The following DDX1 variants were observed in gnomAD, a reference collection of about 807,000 sequenced individuals.
The protein encoded by DDX1 is ATP-dependent RNA helicase DDX1.
Under a neutral mutation model 108.7 loss-of-function variants are expected in DDX1, and 28 were observed. The ratio of observed to expected loss-of-function variants is 0.26; its 90% CI spans 0.19 to 0.35. The LOEUF is 0.35. DDX1 is among the 10% of genes least tolerant of loss of function. DDX1 has a pLI of 1.00. For missense variants in DDX1, 710 were observed against 884.5 expected, an observed-to-expected ratio of 0.80 and a Z score of 2.50; for synonymous variants, 295 against 288.9, an observed-to-expected ratio of 1.02 and a Z score of -0.21.
chr2:15,609,611 G>A (rs181922289), intron 13 of DDX1, among the ~76,000 whole-genome samples: 1 of 152,204 alleles, frequency 6.6e-6, no homozygotes, highest in South Asian at 2.1e-4. Flanking sequence ...TGCAGGGGTG[G>A]TTCTTTTATA....
chr2:15,605,144 A>G (rs1665643209), intron 10 of DDX1, among the ~76,000 whole-genome samples: 1 of 152,204 alleles, frequency 6.6e-6, no homozygotes, highest in Non-Finnish European at 1.5e-5. Flanking sequence ...GGTTTTGAGC[A>G]GAGGGGTGGC....
At chr2:15,594,143 C>A (rs1665464228) in intron 1 of DDX1, among the ~76,000 whole-genome samples, 1 of 152,008 alleles carries the variant, frequency 6.6e-6, no homozygotes, top group South Asian at 2.1e-4. Flanking sequence ...AATGATGATC[C>A]TTCTCATCTG....
At chr2:15,613,387 A>T in intron 14 of DDX1, 103 bp downstream of exon 14, 1 of 722,686 alleles carries the variant, frequency 1.4e-6, no homozygotes. Flanking sequence ...CTGAAATTAG[A>T]GCAAGGTCAG....
rs753759700 is a variant in DDX1 at position 15,605,986 on chromosome 2, A to T, written c.662A>T (p.His221Leu). Residue 221 changes from histidine to leucine, a missense_variant, in exon 11 of 26, where the codon CAT (histidine) becomes CTT (leucine). Around this residue, in one of 3 missense-constraint regions of DDX1, gnomAD observed 661 missense variants for 810.2 expected, o/e 0.82. Coordinates refer to ENST00000233084, the MANE Select transcript of DDX1 (RefSeq NM_004939.3). Reference sequence around the variant, plus strand: ...GGTCTGGCATTTGAAATACCACCACATATGAAAAACCAAGCCCTCTTTCCT... The same window carrying T: ...GGTCTGGCATTTGAAATACCACCACTTATGAAAAACCAAGCCCTCTTTCCT... The part of the protein sequence containing the change: ...DLGLAFEIPP[H>L]MKNQALFPAC... 1.5e-5 allele frequency: 24 copies of T among 1,585,832 alleles called. No homozygotes were observed. Among genetic ancestry groups the T allele is most frequent in the African/African-American group, 2.7e-5 (2 of 73,136 alleles).
chr2:15,630,611 A>G (rs1450400393), intron 25 of DDX1, among the ~76,000 whole-genome samples, 165 bp from the exon 26 acceptor site: 1 of 152,226 alleles, frequency 6.6e-6, no homozygotes, highest in East Asian at 1.9e-4. Flanking sequence ...TATTGAAATA[A>G]TTGATTTAAC....
At chr2:15,601,448 T>A (rs1307770957) in intron 6 of DDX1, among the ~76,000 whole-genome samples, 1 of 152,222 alleles carries the variant, frequency 6.6e-6, no homozygotes, top group Admixed American at 6.5e-5. Flanking sequence ...TGGCTATAAA[T>A]CAGGGTTCCT....
Position 15,614,266 on chromosome 2 carries a change from G to A in DDX1, c.1017+982G>A, listed in dbSNP as rs370668214. Among the ~76,000 whole-genome samples, 17 of 152,152 alleles carry A rather than the reference G, an allele frequency of 1.1e-4. No individual in the cohort carries two copies. In the East Asian group the frequency reaches 2.1e-3, roughly 19 times the overall value. ...TTTAATCATTAAAGCTAAACCATCC[G>A]ATATTGAGTCATGACAAGCAATTGT... On this transcript the variant is annotated intron_variant, in intron 14 of 25. Transcript: ENST00000233084.
rs931319122 is a variant in DDX1 at position 15,626,985 on chromosome 2, A to G, written c.1595-69A>G. 1.8e-5 allele frequency: 17 copies of G among 971,376 alleles called. No homozygotes were observed. The Admixed American group carries it at 1.9e-4, about 11-fold the overall frequency. 60.2% of individuals were successfully genotyped at this position (971,376 alleles called of 1,614,324 possible). A position where few individuals can be genotyped will look rare whatever the true frequency, so the allele number is the denominator to read the frequency against. On this transcript the variant is annotated intron_variant, in intron 19 of 25. Transcript: ENST00000233084. Reference sequence around the variant, plus strand: ...GTGGCACTATTGTAGTCTGAATTTTATTGGCTTTTTTACATAGTCTTAGGC... The same window carrying G: ...GTGGCACTATTGTAGTCTGAATTTTGTTGGCTTTTTTACATAGTCTTAGGC...
In DDX1 at chr2:15,591,939, G is replaced by A. The variant is rs1370569212; in HGVS notation, c.6G>A (p.Ala2=). ...CCGCGGAGGACGGGGTGAAGATGGC[G>A]GCCTTCTCCGGTGCGTTTGTGGAAA... M[A]AFSEMGVMPE... Residue 2 remains alanine (A), a synonymous_variant, in exon 1 of 26, where the codon GCG becomes GCA. Coordinates refer to ENST00000233084, the MANE Select transcript of DDX1 (RefSeq NM_004939.3). 6.9e-7 allele frequency: 1 copy of A among 1,441,194 alleles called. No individual in the cohort carries two copies. Among genetic ancestry groups the A allele is most frequent in the Non-Finnish European group, 9.1e-7 (1 of 1,096,376 alleles). 89.3% of individuals were successfully genotyped at this position (1,441,194 alleles called of 1,614,324 possible).
At position 15,602,545 on chromosome 2, in the gene DDX1, C is replaced by T; in HGVS notation, c.308-3C>T. On this transcript the variant is annotated splice_polypyrimidine_tract_variant and splice_region_variant and intron_variant, in intron 6 of 25. Coordinates refer to ENST00000233084, the MANE Select transcript of DDX1 (RefSeq NM_004939.3). ...TTTTTCTGTGTTTTCTTCTCAAATC[C>T]AGCAATTGGGTCAGATGGTCTTTGT... is the stretch of plus-strand genomic sequence containing the variant. 8 of 1,611,830 alleles carry T rather than the reference C, an allele frequency of 5.0e-6. No individual in the cohort carries two copies. Among genetic ancestry groups the T allele is most frequent in the Non-Finnish European group, 5.9e-6 (7 of 1,178,056 alleles).
In DDX1 at chr2:15,607,161, T is replaced by A; in HGVS notation, c.818-14T>A. On this transcript the variant is annotated splice_polypyrimidine_tract_variant and intron_variant, in intron 12 of 25. Coordinates refer to ENST00000233084, the MANE Select transcript of DDX1 (RefSeq NM_004939.3). ...TGTGCTTTGAATGTGTTCTCATCTT[T>A]TTTATTCCCTAAGGTAATGCACAGG... 1 of 1,612,472 alleles carries A rather than the reference T, an allele frequency of 6.2e-7. No homozygotes were observed. Among genetic ancestry groups the A allele is most frequent in the Non-Finnish European group, 8.5e-7 (1 of 1,179,044 alleles).
chr2:15,624,465 G>A (rs1666065453), intron 19 of DDX1, among the ~76,000 whole-genome samples: 1 of 152,174 alleles, frequency 6.6e-6, no homozygotes, highest in Non-Finnish European at 1.5e-5. Context: ...GTTCTTCAGA[G>A]CTGGGGAAGC....
At chr2:15,604,602 C>T (rs1388033122) in intron 10 of DDX1, 93 bp downstream of exon 10, 23 of 807,158 alleles carry the variant, frequency 2.8e-5, no homozygotes, top group African/African-American at 1.5e-4. Flanking sequence ...TTCAAATCCC[C>T]GTCCCTCCCT....
chr2:15,602,516 C>A, intron 6 of DDX1, 32 bp from the exon 7 acceptor site: 1 of 1,520,750 alleles, frequency 6.6e-7, no homozygotes, highest in Non-Finnish European at 9.1e-7. Flanking sequence ...CCTGTACTGA[C>A]GTGTTTTTCT....
chr2:15,621,123 T>G lies in DDX1; in HGVS notation c.1447+7T>G. On this transcript the variant is annotated splice_region_variant and intron_variant, in intron 18 of 25. Coordinates refer to ENST00000233084, the MANE Select transcript of DDX1 (RefSeq NM_004939.3). Reference sequence around the variant, plus strand: ...CCTGGTGCTAATAGTCCAGGTGAGTTAAAAGAGTCAAATGTGTTGAAAGAT... The same window carrying G: ...CCTGGTGCTAATAGTCCAGGTGAGTGAAAAGAGTCAAATGTGTTGAAAGAT... The G allele has an allele frequency of 2.5e-6, 4 of 1,597,052 alleles. No homozygotes were observed. The highest frequency in any genetic ancestry group is 3.4e-6 in the Non-Finnish European group (4 of 1,166,198).
At chr2:15,616,962 A>T (rs943334162) in intron 14 of DDX1, among the ~76,000 whole-genome samples, 8 of 152,230 alleles carry the variant, frequency 5.3e-5, no homozygotes, top group Non-Finnish European at 2.9e-5. Flanking sequence ...CAGTGAATTC[A>T]TCAGATTTTT....
At chr2:15,592,212 T>G (rs2148735046) in intron 1 of DDX1, among the ~76,000 whole-genome samples, 1 of 152,326 alleles carries the variant, frequency 6.6e-6, no homozygotes, top group Non-Finnish European at 1.5e-5. Context: ...TTGGCTTTCC[T>G]GCCAGTGCAC....
At chr2:15,593,209 G>C (rs893314889) in intron 1 of DDX1, among the ~76,000 whole-genome samples, 4 of 152,124 alleles carry the variant, frequency 2.6e-5, no homozygotes, top group Non-Finnish European at 5.9e-5. Context: ...TAAGATTTCT[G>C]ACTGTTTCAG....
chr2:15,613,115 T>A (rs981525050), intron 13 of DDX1, 109 bp from the exon 14 acceptor site: 2 of 739,242 alleles, frequency 2.7e-6, no homozygotes, highest in Non-Finnish European at 4.2e-6. Context: ...TTTCCTCAAT[T>A]ACTTTCTCAA....
Sources: gnomAD v4.1 joint callset for allele counts (sites outside exome capture counted in the v4.1 genomes callset) on GRCh38, gnomAD v4.1.1 for gene constraint, gnomAD v4.1.1 regional missense constraint, MANE v1.5 for transcripts, NCBI Gene and HGNC (gene_info 2026-07-23, HGNC 2026-07-21) for gene names.